Variants in DISP1 observed in about 807,000 individuals in gnomAD.
The protein encoded by DISP1 is dispatched RND transporter family member 1.
A neutral mutation model predicts 37.3 loss-of-function variants in DISP1; 30 were observed. The observed-to-expected ratio is 0.80, with a 90% confidence interval of 0.60 to 1.09. The LOEUF is 1.09. Among genes scored for constraint, DISP1 ranks in the 50% least tolerant of loss-of-function variants. DISP1 has a pLI of 0.00. For missense variants in DISP1, 1,598 were observed against 1,879.5 expected, an observed-to-expected ratio of 0.85 and a Z score of 2.77; for synonymous variants, 634 against 690.2, an observed-to-expected ratio of 0.92 and a Z score of 1.28.
chr1:222,871,820 C>T (rs1368503529), intron 1 of DISP1, among the ~76,000 whole-genome samples: 1 of 152,152 alleles, frequency 6.6e-6, no homozygotes, highest in Admixed American at 6.6e-5. Flanking sequence ...ACTTCCAACA[C>T]TATGTTGAAT....
chr1:222,938,308 G>C (rs61840884), intron 2 of DISP1, among the ~76,000 whole-genome samples: 31,232 of 152,054 alleles, frequency 0.21, 3,485 homozygotes, highest in African/African-American at 0.28. Context: ...ACAAATGTAA[G>C]GGTATTAAGA....
intron 3 of DISP1, among the ~76,000 whole-genome samples, chr1:222,970,524 C>CA (rs1323589280): frequency 6.6e-6 from 1 of 152,248 alleles, no homozygotes; most frequent in East Asian, 1.9e-4. Flanking sequence ...GGCTCACTAG[C>CA]TTTAGCCATG....
At chr1:222,852,658 C>G (rs1465014431) in intron 1 of DISP1, among the ~76,000 whole-genome samples, 1 of 152,188 alleles carries the variant, frequency 6.6e-6, no homozygotes, top group African/African-American at 2.4e-5. Context: ...GGAAACTATT[C>G]CTTTGAAAAT....
At chr1:222,952,714 G>A (rs1156518362) in intron 3 of DISP1, among the ~76,000 whole-genome samples, 1 of 152,136 alleles carries the variant, frequency 6.6e-6, no homozygotes. Context: ...GCTGGGTGTG[G>A]TGGCACGCAC....
At chr1:222,846,412 A>G (rs1391029134) in intron 1 of DISP1, among the ~76,000 whole-genome samples, 3 of 151,970 alleles carry the variant, frequency 2.0e-5, no homozygotes, top group Non-Finnish European at 2.9e-5. Context: ...AATCGCTTGA[A>G]CCCGGGAGGC....
chr1:222,849,277 A>G (rs1324738116), intron 1 of DISP1, among the ~76,000 whole-genome samples: 2 of 152,236 alleles, frequency 1.3e-5, no homozygotes, highest in Non-Finnish European at 2.9e-5. Context: ...CTTATAAAAG[A>G]GAAACACATC....
chr1:222,973,958 G>A (rs913452009), intron 3 of DISP1, among the ~76,000 whole-genome samples: 2 of 152,094 alleles, frequency 1.3e-5, no homozygotes, highest in Non-Finnish European at 2.9e-5. Flanking sequence ...TGACTTTTAG[G>A]GTTTCTTACA....
intron 8 of DISP1, among the ~76,000 whole-genome samples, chr1:223,001,859 G>A (rs1392031826): frequency 1.3e-5 from 2 of 152,064 alleles, no homozygotes; most frequent in Non-Finnish European, 2.9e-5. Context: ...AGTTCTCTAG[G>A]GAATATCATC....
At chr1:222,819,044 G>A (rs896991750) in intron 1 of DISP1, among the ~76,000 whole-genome samples, 5 of 152,184 alleles carry the variant, frequency 3.3e-5, no homozygotes, top group African/African-American at 7.2e-5. Context: ...GTAGGTGATT[G>A]GATCATGGAG....
At chr1:222,835,697 A>AT (rs1350114157) in intron 1 of DISP1, among the ~76,000 whole-genome samples, 1 of 152,192 alleles carries the variant, frequency 6.6e-6, no homozygotes, top group Non-Finnish European at 1.5e-5. Context: ...CACGCCTGTA[A>AT]TCCCAGCACT....
chr1:222,900,244 A>G (rs541034235), intron 1 of DISP1, among the ~76,000 whole-genome samples: 3 of 152,298 alleles, frequency 2.0e-5, no homozygotes, highest in Non-Finnish European at 2.9e-5. Context: ...TTCTCATTGT[A>G]TGACTAGGGA....
chr1:222,840,561 T>TG (rs1186500496), intron 1 of DISP1, among the ~76,000 whole-genome samples: 4 of 121,384 alleles, frequency 3.3e-5, no homozygotes, highest in Non-Finnish European at 7.1e-5. Context: ...GTATCTCTTT[T>TG]TTTTTTTTTT....
At chr1:222,842,011 A>G (rs1667638480) in intron 1 of DISP1, among the ~76,000 whole-genome samples, 2 of 152,092 alleles carry the variant, frequency 1.3e-5, no homozygotes, top group African/African-American at 4.8e-5. Context: ...GAACCTAGTA[A>G]TGCCCTTATG....
At chr1:222,918,450 A>G (rs1416464859) in intron 1 of DISP1, among the ~76,000 whole-genome samples, 1 of 152,216 alleles carries the variant, frequency 6.6e-6, no homozygotes, top group Non-Finnish European at 1.5e-5. Flanking sequence ...TATTGTCACA[A>G]GATCTTTGGG....
At chr1:222,946,883 AGAG>A (rs533311300) in intron 3 of DISP1, among the ~76,000 whole-genome samples, 138 of 152,294 alleles carry the variant, frequency 9.1e-4, no homozygotes, top group Non-Finnish European at 1.7e-3. Flanking sequence ...AGTGGTAGCA[AGAG>A]GAGAGGTATA....
At chr1:222,960,363 GATTGACTCCTGGGTAATAATGAA>G (rs1675960780) in intron 3 of DISP1, among the ~76,000 whole-genome samples, 1 of 152,130 alleles carries the variant, frequency 6.6e-6, no homozygotes. Flanking sequence ...ACCTGCTCCT[GATTGACTCCTGGGTAATAATGAA>G]ATTAAGGCAG....
intron 1 of DISP1, among the ~76,000 whole-genome samples, chr1:222,921,122 C>T (rs892363437): frequency 6.6e-6 from 1 of 152,094 alleles, no homozygotes; most frequent in Non-Finnish European, 1.5e-5. Context: ...CCACCCTGGG[C>T]AACATGGTGA....
In DISP1 at chr1:223,004,127, A is replaced by C; in HGVS notation, c.2730A>C (p.Pro910=). ...STGYHLDSKT[P]GPRFDINDTI... is the part of the protein sequence containing the mutation. ...GGTACCATTTGGATAGCAAAACCCCAGGGCCGAGGTTTGATATCAATGATA... is the reference window on the plus strand; with the variant it reads ...GGTACCATTTGGATAGCAAAACCCCCGGGCCGAGGTTTGATATCAATGATA... Residue 910 remains proline (P), a synonymous_variant, in exon 9 of 9, where the codon CCA becomes CCC. Transcript: ENST00000675850. This position sits in a 1 kb window ranked among gnomAD's most constrained non-coding sequence, Gnocchi z 4.9. 1 of 1,614,190 alleles carries C rather than the reference A, an allele frequency of 6.2e-7. No homozygotes were observed. The highest frequency in any genetic ancestry group is 8.5e-7 in the Non-Finnish European group (1 of 1,180,020).
chr1:223,003,377 G>A lies in DISP1; in HGVS notation c.1980G>A (p.Glu660=). Residue 660 remains glutamate (E), a synonymous_variant, in exon 9 of 9, where the codon GAG becomes GAA. Transcript: ENST00000675850. The surrounding 1 kb of genome is among the most constrained non-coding windows in gnomAD (Gnocchi z 4.3). ...TTCCAGCAGTTGTTGTGCTGCATGA[G>A]CGGTATCTTCTTAATATATTCACTT... The part of the protein sequence containing the change: ...TWLPAVVVLH[E]RYLLNIFTCF... 2 of 1,614,094 alleles carry A rather than the reference G, an allele frequency of 1.2e-6. No homozygotes were observed. The highest frequency in any genetic ancestry group is 1.7e-6 in the Non-Finnish European group (2 of 1,180,048).
Sources: gnomAD v4.1 joint callset for allele counts (sites outside exome capture counted in the v4.1 genomes callset) on GRCh38, gnomAD v4.1.1 for gene constraint, Gnocchi (gnomAD v3.1) non-coding constraint, MANE v1.5 for transcripts, NCBI Gene and HGNC (gene_info 2026-07-23, HGNC 2026-07-21) for gene names.